HECW1: variants seen among roughly 807,000 people sequenced by gnomAD.
HECW1 encodes HECT, C2 and WW domain containing E3 ubiquitin protein ligase 1.
A neutral mutation model predicts 182.3 loss-of-function variants in HECW1; 61 were observed. That is an observed-to-expected ratio of 0.33 (90% confidence interval 0.27 to 0.41). HECW1 has a LOEUF of 0.41. HECW1 is among the 10% of genes least tolerant of loss of function. The pLI, the probability that HECW1 is intolerant of heterozygous loss-of-function variation, is 1.00. For synonymous variants in HECW1, 859 were observed against 832.6 expected, an observed-to-expected ratio of 1.03 and a Z score of -0.55; for missense variants, 1,739 against 2,108.9, an observed-to-expected ratio of 0.82 and a Z score of 3.44.
At chr7:43,386,940 C>A (rs2074824865) in intron 6 of HECW1, among the ~76,000 whole-genome samples, 1 of 152,126 alleles carries the variant, frequency 6.6e-6, no homozygotes, top group Non-Finnish European at 1.5e-5. Context: ...CCAAGACTAC[C>A]CACATATTAA....
At chr7:43,251,637 CTTA>C in intron 3 of HECW1, among the ~76,000 whole-genome samples, 1 of 152,294 alleles carries the variant, frequency 6.6e-6, no homozygotes, top group East Asian at 1.9e-4. Flanking sequence ...TTTCTTTCTA[CTTA>C]TTATATTCAC....
chr7:43,516,154 C>T (rs909784662), intron 24 of HECW1, among the ~76,000 whole-genome samples: 3 of 152,088 alleles, frequency 2.0e-5, no homozygotes, highest in Admixed American at 1.3e-4. Flanking sequence ...AATTCGTTGT[C>T]GTTTCTTCCC....
intron 6 of HECW1, among the ~76,000 whole-genome samples, chr7:43,382,165 A>T (rs1268969434): frequency 1.3e-5 from 2 of 152,202 alleles, no homozygotes; most frequent in Non-Finnish European, 2.9e-5. Flanking sequence ...GGGGGCCTGT[A>T]GTCCCAGCTG....
intron 3 of HECW1, among the ~76,000 whole-genome samples, chr7:43,247,452 T>A (rs1322220737): frequency 6.6e-6 from 1 of 152,128 alleles, no homozygotes; most frequent in Non-Finnish European, 1.5e-5. Context: ...TATATAAGCC[T>A]GGGCAACATG....
chr7:43,398,178 A>G (rs1303703091), intron 7 of HECW1, among the ~76,000 whole-genome samples: 3 of 152,154 alleles, frequency 2.0e-5, no homozygotes, highest in Non-Finnish European at 4.4e-5. Context: ...AATGGCTTGA[A>G]CATGGGAGGT....
At chr7:43,404,112 CAAT>C (rs1364432874) in intron 7 of HECW1, among the ~76,000 whole-genome samples, 3 of 152,200 alleles carry the variant, frequency 2.0e-5, no homozygotes, top group African/African-American at 4.8e-5. Flanking sequence ...CAAATTTCAA[CAAT>C]GAGTGTTCTC....
At chr7:43,281,718 T>C (rs1286676095) in intron 3 of HECW1, among the ~76,000 whole-genome samples, 4 of 144,574 alleles carry the variant, frequency 2.8e-5, no homozygotes, top group Non-Finnish European at 6.1e-5. Context: ...GCTTTCTTTT[T>C]TTTTTTTTTT....
intron 2 of HECW1, among the ~76,000 whole-genome samples, chr7:43,215,521 G>A (rs1796366313): frequency 6.6e-6 from 1 of 152,278 alleles, no homozygotes; most frequent in Non-Finnish European, 1.5e-5. Context: ...TTTAACCAAA[G>A]GTTAAATCGT....
intron 6 of HECW1, among the ~76,000 whole-genome samples, chr7:43,369,383 G>A (rs911596574): frequency 5.9e-4 from 90 of 152,084 alleles, no homozygotes; most frequent in South Asian, 4.2e-4. Flanking sequence ...GCTTGAACTC[G>A]GGAGGCGGAG....
intron 5 of HECW1, among the ~76,000 whole-genome samples, chr7:43,352,416 T>G (rs1028097283): frequency 1.3e-5 from 2 of 152,246 alleles, no homozygotes; most frequent in Non-Finnish European, 2.9e-5. Flanking sequence ...GCAGAATTAT[T>G]TCTACATTTT....
At chr7:43,298,849 C>T (rs1455256786) in intron 3 of HECW1, among the ~76,000 whole-genome samples, 2 of 152,220 alleles carry the variant, frequency 1.3e-5, no homozygotes, top group African/African-American at 2.4e-5. Context: ...CATCTCGAGG[C>T]TCCTTTCACA....
intron 2 of HECW1, among the ~76,000 whole-genome samples, chr7:43,192,499 A>C (rs1794018188): frequency 6.7e-6 from 1 of 149,408 alleles, no homozygotes; most frequent in Non-Finnish European, 1.5e-5. Flanking sequence ...GTATCAATAA[A>C]AATGACTAAA....
intron 2 of HECW1, among the ~76,000 whole-genome samples, chr7:43,149,144 T>A (rs1160732571): frequency 6.6e-6 from 1 of 152,110 alleles, no homozygotes; most frequent in Non-Finnish European, 1.5e-5. Context: ...TATCAATGTA[T>A]CTCCCCCTTA....
chr7:43,320,691 C>T lies in HECW1; in HGVS notation c.409C>T (p.His137Tyr), dbSNP rs747487871. 6.2e-7 allele frequency: 1 copy of T among 1,614,060 alleles called. No individual in the cohort carries two copies. Among genetic ancestry groups the T allele is most frequent in the Non-Finnish European group, 8.5e-7 (1 of 1,180,026 alleles). The part of the protein sequence containing the change: ...DYKNRGVNGS[H>Y]RGQIIWKIDA... ...TAAAAACCGTGGAGTCAATGGTTCTCATCGGGGCCAGATCATCTGGAAGAT... is the reference window on the plus strand; with the variant it reads ...TAAAAACCGTGGAGTCAATGGTTCTTATCGGGGCCAGATCATCTGGAAGAT... Residue 137 changes from histidine (H) to tyrosine (Y), a missense_variant, in exon 5 of 30, where the codon CAT (histidine) becomes TAT (tyrosine). His to Tyr is a moderately conservative substitution (Grantham distance 83). Coordinates refer to ENST00000395891, the MANE Select transcript of HECW1 (RefSeq NM_015052.5).
At chr7:43,202,945 C>T (rs1213341335) in intron 2 of HECW1, among the ~76,000 whole-genome samples, 2 of 152,106 alleles carry the variant, frequency 1.3e-5, no homozygotes, top group African/African-American at 4.8e-5. Context: ...TGTAATTTTC[C>T]ACTACCTACC....
intron 3 of HECW1, among the ~76,000 whole-genome samples, chr7:43,307,438 C>G (rs1057137709): frequency 4.6e-5 from 7 of 152,058 alleles, no homozygotes; most frequent in Middle Eastern, 3.4e-3. Flanking sequence ...GGAGGGCCAC[C>G]CTTTGCAGAG....
chr7:43,180,748 C>T (rs1010786312), intron 2 of HECW1, among the ~76,000 whole-genome samples: 1 of 152,162 alleles, frequency 6.6e-6, no homozygotes, highest in Non-Finnish European at 1.5e-5. Flanking sequence ...TTATGAAGTA[C>T]AATGTGATGT....
At chr7:43,554,521 C>G (rs941689850) in intron 28 of HECW1, 71 bp from the exon 29 acceptor site, 2 of 1,323,830 alleles carry the variant, frequency 1.5e-6, no homozygotes. Context: ...TGTGTTTGAT[C>G]TCTCTCTCCC....
intron 24 of HECW1, among the ~76,000 whole-genome samples, chr7:43,531,799 C>T (rs1311698706): frequency 1.3e-5 from 2 of 152,186 alleles, no homozygotes; most frequent in Non-Finnish European, 1.5e-5. Flanking sequence ...GCCTCGCCAC[C>T]TGTTCTTTCT....
Sources: allele counts gnomAD v4.1 joint callset (sites outside exome capture counted in the v4.1 genomes callset), GRCh38; gene constraint gnomAD v4.1.1; transcripts MANE v1.5; gene names NCBI Gene and HGNC (gene_info 2026-07-23, HGNC 2026-07-21).